The following ATP2C2 variants were observed in gnomAD, a reference collection of about 807,000 sequenced individuals.
The protein encoded by ATP2C2 is calcium-transporting ATPase type 2C member 2.
In ATP2C2, 171 loss-of-function variants were observed where a neutral mutation model predicts 110.8. The ratio of observed to expected loss-of-function variants is 1.54; its 90% CI spans 1.36 to 1.75. ATP2C2 has a LOEUF of 1.75. Among genes scored for constraint, ATP2C2 ranks in the 40% most tolerant of loss-of-function variants. The pLI is 0.00. For synonymous variants in ATP2C2, 804 were observed against 508.4 expected (o/e 1.58, Z -7.82); for missense variants, 1,963 against 1,235.0 (o/e 1.59, Z -8.84).
At chr16:84,378,045 G>A (rs997570113) in intron 1 of ATP2C2, among the ~76,000 whole-genome samples, 3 of 152,166 alleles carry the variant, frequency 2.0e-5, no homozygotes, top group African/African-American at 7.2e-5. Context: ...TGCAAACAGA[G>A]ACAGGGAAGA....
intron 17 of ATP2C2, among the ~76,000 whole-genome samples, chr16:84,449,668 C>T (rs778345338): frequency 5.9e-5 from 9 of 152,184 alleles, no homozygotes; most frequent in Non-Finnish European, 4.4e-5. Flanking sequence ...AGGTCCTTTT[C>T]ACCTCGCTGA....
At chr16:84,424,599 T>TTTTTTTTTTTTTTTTTTCA (rs376880864) in intron 10 of ATP2C2, among the ~76,000 whole-genome samples, 1 of 131,250 alleles carries the variant, frequency 7.6e-6, no homozygotes, top group Admixed American at 7.8e-5. Flanking sequence ...TTTTTTTTTT[T>TTTTTTTTTTTTTTTTTTCA]AACATTTTGG....
At chr16:84,400,582 C>T (rs1451180791) in intron 2 of ATP2C2, among the ~76,000 whole-genome samples, 2 of 152,170 alleles carry the variant, frequency 1.3e-5, no homozygotes, top group African/African-American at 2.4e-5. Flanking sequence ...CTGCCTCAGC[C>T]TCCCAAAGTG....
chr16:84,442,033 A>C (rs1391932746), intron 14 of ATP2C2, among the ~76,000 whole-genome samples: 4 of 152,222 alleles, frequency 2.6e-5, no homozygotes, highest in Non-Finnish European at 5.9e-5. Context: ...CAGGCCGGGA[A>C]GGAAGAGCGC....
At chr16:84,375,601 G>A (rs916577772) in intron 1 of ATP2C2, among the ~76,000 whole-genome samples, 1 of 151,712 alleles carries the variant, frequency 6.6e-6, no homozygotes, top group Non-Finnish European at 1.5e-5. Flanking sequence ...AGAAGGACTA[G>A]ACAGCTGTCT....
At chr16:84,447,868 A>T (rs1274021758) in intron 16 of ATP2C2, among the ~76,000 whole-genome samples, 1 of 142,866 alleles carries the variant, frequency 7.0e-6, no homozygotes, top group Non-Finnish European at 1.5e-5. Flanking sequence ...AATAACATTA[A>T]TATGTTAATT....
In ATP2C2 at chr16:84,410,609, T is replaced by G; in HGVS notation, c.453+6T>G. ...TCACTGTCGCCTTCATCCAGGTGAG[T>G]ATTTCCTGAGGTCCCAGTCAGGGTA... is the stretch of plus-strand genomic sequence containing the variant. On this transcript the variant is annotated splice_donor_region_variant and intron_variant, in intron 5 of 26. Coordinates refer to ENST00000262429, the MANE Select transcript of ATP2C2 (RefSeq NM_014861.4). 6.2e-7 allele frequency: 1 copy of G among 1,613,982 alleles called. No individual in the cohort carries two copies. The highest frequency in any genetic ancestry group is 1.3e-5 in the African/African-American group (1 of 74,984).
intron 21 of ATP2C2, 61 bp downstream of exon 21, chr16:84,455,045 CTGGAACCTGCTACTG>C: frequency 6.6e-7 from 1 of 1,509,002 alleles, no homozygotes; most frequent in Non-Finnish European, 9.0e-7. Flanking sequence ...CAGCTTCTCC[CTGGAACCTGCTACTG>C]TGGAGATAGA....
At chr16:84,405,937 C>G (rs1024026247) in intron 3 of ATP2C2, among the ~76,000 whole-genome samples, 1 of 152,088 alleles carries the variant, frequency 6.6e-6, no homozygotes, top group Non-Finnish European at 1.5e-5. Flanking sequence ...ACAACAAAAC[C>G]AAAGTGAATT....
chr16:84,380,028 G>A (rs1367867886), intron 1 of ATP2C2, among the ~76,000 whole-genome samples: 1 of 152,134 alleles, frequency 6.6e-6, no homozygotes, highest in Non-Finnish European at 1.5e-5. Context: ...ACGTGCTCCT[G>A]CATTTATTAT....
rs142288983 is a variant in ATP2C2, at chr16:84,454,607, A to G, written c.1981-211A>G. Among the ~76,000 whole-genome samples, 813 of 152,326 alleles carry G rather than the reference A, an allele frequency of 5.3e-3. 6 individuals are homozygous for G. The highest frequency in any genetic ancestry group is 0.018 in the African/African-American group (760 of 41,572). On this transcript the variant is annotated intron_variant, in intron 20 of 26. Transcript: ENST00000262429. ...GCCTCACAACAGCCCTGGGAAGAAGAAACTGTTGCTCCCACTTTGCAGATA... is the reference window on the plus strand; with the variant it reads ...GCCTCACAACAGCCCTGGGAAGAAGGAACTGTTGCTCCCACTTTGCAGATA...
chr16:84,448,179 T>A (rs1909932322), intron 16 of ATP2C2, among the ~76,000 whole-genome samples: 1 of 152,062 alleles, frequency 6.6e-6, no homozygotes, highest in Non-Finnish European at 1.5e-5. Context: ...CTAATGGAAA[T>A]ATTCCCAGTT....
At chr16:84,455,096 G>A (rs1463476514) in intron 21 of ATP2C2, 112 bp downstream of exon 21, 6 of 1,370,452 alleles carry the variant, frequency 4.4e-6, no homozygotes, top group Admixed American at 2.3e-5. Context: ...GAGTCCCCAG[G>A]GAGAGCTGAA....
intron 21 of ATP2C2, among the ~76,000 whole-genome samples, chr16:84,455,801 C>T (rs1910742725): frequency 6.7e-6 from 1 of 148,952 alleles, no homozygotes; most frequent in East Asian, 2.0e-4. Flanking sequence ...AAATACGTCC[C>T]ATCAATACCT....
intron 11 of ATP2C2, among the ~76,000 whole-genome samples, chr16:84,431,115 G>T (rs1908240848): frequency 6.6e-6 from 1 of 152,128 alleles, no homozygotes; most frequent in Non-Finnish European, 1.5e-5. Context: ...GGAAAAAAGT[G>T]AATGTTAACA....
intron 1 of ATP2C2, among the ~76,000 whole-genome samples, chr16:84,385,535 C>G (rs1228321245): frequency 6.6e-6 from 1 of 152,136 alleles, no homozygotes; most frequent in Non-Finnish European, 1.5e-5. Context: ...GTCGTTTATT[C>G]ATTGATATCA....
chr16:84,460,804 G>A lies in ATP2C2; in HGVS notation c.2481+3G>A, dbSNP rs1384246742. The A allele has an allele frequency of 6.8e-6, 11 of 1,610,072 alleles. No individual in the cohort carries two copies. Among genetic ancestry groups the A allele is most frequent in the African/African-American group, 1.3e-5 (1 of 74,878 alleles). Reference sequence around the variant, plus strand: ...CCCTCTTTATCTTCTGGAAGGAGGTGAGCGAGGGTCACCCCGGCCTGTTCT... The same window carrying A: ...CCCTCTTTATCTTCTGGAAGGAGGTAAGCGAGGGTCACCCCGGCCTGTTCT... On this transcript the variant is annotated splice_donor_region_variant and intron_variant, in intron 24 of 26. Transcript: ENST00000262429.
intron 1 of ATP2C2, among the ~76,000 whole-genome samples, chr16:84,373,651 G>A (rs948365709): frequency 2.0e-5 from 3 of 152,180 alleles, no homozygotes; most frequent in Non-Finnish European, 4.4e-5. Flanking sequence ...CACAGGCCAT[G>A]GGTACTGGGA....
intron 11 of ATP2C2, among the ~76,000 whole-genome samples, chr16:84,429,028 G>T (rs1908029975): frequency 6.6e-6 from 1 of 152,152 alleles, no homozygotes; most frequent in African/African-American, 2.4e-5. Context: ...GGCATCTTAG[G>T]CTCTGGATAA....
Sources: gnomAD v4.1 joint callset for allele counts (sites outside exome capture counted in the v4.1 genomes callset) on GRCh38, gnomAD v4.1.1 for gene constraint, MANE v1.5 for transcripts, NCBI Gene and HGNC (gene_info 2026-07-23, HGNC 2026-07-21) for gene names.